Variants in SRGAP3 observed in about 807,000 individuals in gnomAD.
The protein encoded by SRGAP3 is SLIT-ROBO Rho GTPase-activating protein 3.
A neutral mutation model predicts 121.1 loss-of-function variants in SRGAP3; 39 were observed. The ratio of observed to expected loss-of-function variants is 0.32; its 90% confidence interval spans 0.25 to 0.42. The LOEUF (loss-of-function observed/expected upper bound fraction) is 0.42, where lower values mean the gene tolerates loss of function less well. Ranked by LOEUF, SRGAP3 falls within the 10% of genes least tolerant of loss-of-function variation. SRGAP3 has a pLI of 1.00. For synonymous variants in SRGAP3, 601 were observed against 570.0 expected (o/e 1.05, Z -0.77); for missense variants, 1,213 against 1,470.6 (o/e 0.82, Z 2.86).
chr3:9,026,694 T>C (rs779702709), intron 13 of SRGAP3, among the ~76,000 whole-genome samples: 24 of 152,234 alleles, frequency 1.6e-4, no homozygotes, highest in Admixed American at 2.0e-4. Context: ...CTCTTGTCCA[T>C]GCCCTTTCTA....
chr3:9,312,592 C>T (rs982001478), intron 3 of SRGAP3, among the ~76,000 whole-genome samples: 3 of 152,178 alleles, frequency 2.0e-5, no homozygotes, highest in Non-Finnish European at 2.9e-5. Context: ...CAGTCATGAA[C>T]GACACAATTA....
intron 1 of SRGAP3, among the ~76,000 whole-genome samples, chr3:9,207,713 G>A (rs947896170): frequency 6.6e-6 from 1 of 152,182 alleles, no homozygotes; most frequent in Non-Finnish European, 1.5e-5. Context: ...GTTGTGGTGA[G>A]GTAGCCGGGC....
At chr3:9,145,675 A>G (rs1949999091) in intron 1 of SRGAP3, among the ~76,000 whole-genome samples, 2 of 152,220 alleles carry the variant, frequency 1.3e-5, no homozygotes, top group Non-Finnish European at 2.9e-5. Context: ...AAAAATCACA[A>G]CATTACAATG....
intron 3 of SRGAP3, among the ~76,000 whole-genome samples, chr3:9,304,682 G>A (rs537227572): frequency 2.6e-5 from 4 of 152,204 alleles, no homozygotes; most frequent in African/African-American, 7.2e-5. Context: ...CTCCCCCTCC[G>A]CACTAGGACC....
intron 12 of SRGAP3, among the ~76,000 whole-genome samples, chr3:9,029,976 A>C (rs369802430): frequency 1.1e-5 from 1 of 91,474 alleles, no homozygotes. Flanking sequence ...TCCTGTCTCT[A>C]CAAAAAAAAA....
chr3:9,169,326 G>T (rs1372773082), intron 1 of SRGAP3, among the ~76,000 whole-genome samples: 1 of 152,188 alleles, frequency 6.6e-6, no homozygotes, highest in Non-Finnish European at 1.5e-5. Flanking sequence ...GGTGGGAGAG[G>T]CAGATTGTAA....
At chr3:9,245,019 AGTT>A (rs1456186236) in intron 1 of SRGAP3, among the ~76,000 whole-genome samples, 1 of 152,206 alleles carries the variant, frequency 6.6e-6, no homozygotes, top group Non-Finnish European at 1.5e-5. Context: ...AGGAGGTGAT[AGTT>A]GTTTTCTGTC....
At chr3:9,143,663 A>AACC (rs1949934037) in intron 1 of SRGAP3, among the ~76,000 whole-genome samples, 1 of 152,116 alleles carries the variant, frequency 6.6e-6, no homozygotes. Context: ...GCACTGTCAA[A>AACC]ACCATGATCA....
intron 1 of SRGAP3, among the ~76,000 whole-genome samples, chr3:9,142,343 C>T (rs1239920335): frequency 6.6e-6 from 1 of 152,174 alleles, no homozygotes; most frequent in Non-Finnish European, 1.5e-5. Flanking sequence ...CTGTAATATT[C>T]ACACAAGATC....
chr3:9,017,864 C>CA (rs1943716482), intron 14 of SRGAP3, among the ~76,000 whole-genome samples: 1 of 152,170 alleles, frequency 6.6e-6, no homozygotes, highest in African/African-American at 2.4e-5. Context: ...GGTATCATTT[C>CA]AAGTCCTCTC....
At chr3:9,222,622 T>C (rs1014256764) in intron 1 of SRGAP3, among the ~76,000 whole-genome samples, 2 of 152,256 alleles carry the variant, frequency 1.3e-5, no homozygotes, top group Non-Finnish European at 2.9e-5. Context: ...ACTTTGAATC[T>C]TCTTTTTAGC....
intron 1 of SRGAP3, among the ~76,000 whole-genome samples, chr3:9,211,342 C>A (rs1025087402): frequency 3.3e-5 from 5 of 152,166 alleles, no homozygotes; most frequent in African/African-American, 1.2e-4. Context: ...GGAAAAAAAA[C>A]ATCTGAAAAC....
intron 1 of SRGAP3, among the ~76,000 whole-genome samples, chr3:9,220,834 C>G (rs574414773): frequency 6.6e-6 from 1 of 152,286 alleles, no homozygotes; most frequent in African/African-American, 2.4e-5. Context: ...GGGACACACA[C>G]AGGAAAGTTT....
chr3:9,274,947 G>A (rs1280915996), intron 3 of SRGAP3, among the ~76,000 whole-genome samples: 4 of 151,810 alleles, frequency 2.6e-5, no homozygotes, highest in Non-Finnish European at 4.4e-5. Flanking sequence ...ATGGAGGGGT[G>A]AGACAGGCCA....
At chr3:9,210,898 G>A (rs1219502288) in intron 1 of SRGAP3, among the ~76,000 whole-genome samples, 1 of 152,024 alleles carries the variant, frequency 6.6e-6, no homozygotes, top group African/African-American at 2.4e-5. Flanking sequence ...TTTTTTTAAA[G>A]AAGCAAAATA....
At chr3:9,092,961 TTCTCTCTC>T (rs145213265) in intron 3 of SRGAP3, among the ~76,000 whole-genome samples, 1 of 149,776 alleles carries the variant, frequency 6.7e-6, no homozygotes, top group Non-Finnish European at 1.5e-5. Flanking sequence ...TATATACATA[TTCTCTCTC>T]TCTCTCTCTC....
intron 3 of SRGAP3, among the ~76,000 whole-genome samples, chr3:9,285,819 A>C (rs1056827202): frequency 1.3e-5 from 2 of 151,960 alleles, no homozygotes; most frequent in Non-Finnish European, 2.9e-5. Context: ...ATTAAAATAC[A>C]GAAGTTGGCC....
intron 1 of SRGAP3, among the ~76,000 whole-genome samples, chr3:9,241,112 A>G (rs1375505087): frequency 2.6e-5 from 4 of 152,230 alleles, no homozygotes; most frequent in Non-Finnish European, 5.9e-5. Context: ...TGTGCAATCC[A>G]GTGCAATTTG....
chr3:9,165,310 A>C (rs1950748213), intron 1 of SRGAP3, among the ~76,000 whole-genome samples: 1 of 152,164 alleles, frequency 6.6e-6, no homozygotes. Context: ...CTTCCCAGGG[A>C]AGGCCCCAGC....
Sources: gnomAD v4.1 joint callset for allele counts (sites outside exome capture counted in the v4.1 genomes callset) on GRCh38, gnomAD v4.1.1 for gene constraint, MANE v1.5 for transcripts, NCBI Gene and HGNC (gene_info 2026-07-23, HGNC 2026-07-21) for gene names.